Variants in LRRK2 observed in about 807,000 individuals in gnomAD.
LRRK2 encodes the protein leucine-rich repeat serine/threonine-protein kinase 2.
A neutral mutation model predicts 302.6 loss-of-function variants in LRRK2; 203 were observed. The observed-to-expected ratio is 0.67, with a 90% confidence interval of 0.60 to 0.75. The LOEUF is 0.75. Among genes scored for constraint, LRRK2 ranks in the 30% least tolerant of loss-of-function variants. LRRK2 has a pLI of 0.00. For missense variants in LRRK2, 2,830 were observed against 2,951.0 expected, an observed-to-expected ratio of 0.96 and a Z score of 0.95; for synonymous variants, 1,066 against 1,031.9, an observed-to-expected ratio of 1.03 and a Z score of -0.63.
chr12:40,309,562 A>G (rs1302180859), intron 30 of LRRK2, among the ~76,000 whole-genome samples: 2 of 152,124 alleles, frequency 1.3e-5, no homozygotes, highest in African/African-American at 4.8e-5. Flanking sequence ...AATAAGCTAT[A>G]TTAAAGAAAA....
intron 41 of LRRK2, among the ~76,000 whole-genome samples, chr12:40,343,682 C>T (rs1470089784): frequency 6.6e-6 from 1 of 152,090 alleles, no homozygotes; most frequent in Non-Finnish European, 1.5e-5. Flanking sequence ...ATCATATTTT[C>T]TCAAGTATTT....
chr12:40,294,153 ATCTAT>A (rs1944284714), intron 21 of LRRK2, among the ~76,000 whole-genome samples: 5 of 151,288 alleles, frequency 3.3e-5, no homozygotes, highest in Non-Finnish European at 7.4e-5. Context: ...CTATCTATCT[ATCTAT>A]CTATCTATCT....
Position 40,322,339 on chromosome 12 carries a change from G to A in LRRK2, c.5338G>A (p.Val1780Ile), listed in dbSNP as rs1945428056. 6.2e-7 allele frequency: 1 copy of A among 1,613,650 alleles called. No individual in the cohort carries two copies. The highest frequency in any genetic ancestry group is 2.2e-5 in the East Asian group (1 of 44,852). ...TGTAGGCTGTATTCTTTTGGGCCAA[G>A]TTGTGGACCACATTGATTCTCTCAT... Reference protein sequence around the residue: ...CRKGCILLGQVVDHIDSLMEE... With the variant: ...CRKGCILLGQIVDHIDSLMEE... The change falls in exon 37 of 51, where the codon GTT (valine) becomes ATT (isoleucine). Residue 1780 changes from valine (V) to isoleucine (I), a missense_variant. This residue lies in a region of LRRK2 where 2,121 missense variants were observed against 2,148.0 expected (regional missense o/e 0.99). Coordinates refer to ENST00000298910, the MANE Select transcript of LRRK2 (RefSeq NM_198578.4).
rs200229543 is a variant in LRRK2 at position 40,305,969 on chromosome 12, T to C, written c.3959+3T>C. On this transcript the variant is annotated splice_donor_region_variant and intron_variant, in intron 28 of 50. Coordinates refer to ENST00000298910, the MANE Select transcript of LRRK2 (RefSeq NM_198578.4). ...TGTAAAGCCAAAGACATCATAAGGT[T>C]AGATAATTTTTTTCTATTTGGTTTT... The C allele has an allele frequency of 6.2e-7, 1 of 1,600,500 alleles. No individual in the cohort carries two copies. Among genetic ancestry groups the C allele is most frequent in the Non-Finnish European group, 8.5e-7 (1 of 1,170,796 alleles).
chr12:40,239,305 C>T (rs1565671309), intron 5 of LRRK2, among the ~76,000 whole-genome samples: 1 of 152,162 alleles, frequency 6.6e-6, no homozygotes, highest in African/African-American at 2.4e-5. Context: ...AGATAGTTTA[C>T]AGCGAGTACG....
intron 44 of LRRK2, among the ~76,000 whole-genome samples, chr12:40,352,768 C>T (rs372218906): frequency 4.6e-5 from 7 of 151,462 alleles, no homozygotes; most frequent in East Asian, 1.9e-4. Context: ...CAGAGAGCAC[C>T]GGGTTGGGGG....
intron 46 of LRRK2, among the ~76,000 whole-genome samples, chr12:40,357,544 A>T (rs1300258360): frequency 6.6e-6 from 1 of 152,122 alleles, no homozygotes; most frequent in Admixed American, 6.5e-5. Context: ...GGCTATAGCA[A>T]TTTACATACA....
Position 40,315,196 on chromosome 12 carries a change from T to C in LRRK2, c.4739-16T>C. ...CTAGATTCCATGTTTCACTGTTTGA[T>C]GACTTTTTACTACAGGAGTCCTTCT... On this transcript the variant is annotated splice_polypyrimidine_tract_variant and intron_variant, in intron 32 of 50. Transcript: ENST00000298910. 1 of 1,599,868 alleles carries C rather than the reference T, an allele frequency of 6.3e-7. No homozygotes were observed.
At chr12:40,260,624 GT>G (rs898047063) in intron 13 of LRRK2, among the ~76,000 whole-genome samples, 3 of 152,062 alleles carry the variant, frequency 2.0e-5, no homozygotes, top group Non-Finnish European at 4.4e-5. Context: ...TATTAAAATT[GT>G]TTGCAGATTG....
At chr12:40,226,066 A>T (rs1226848505) in intron 2 of LRRK2, among the ~76,000 whole-genome samples, 2 of 152,232 alleles carry the variant, frequency 1.3e-5, no homozygotes, top group Non-Finnish European at 2.9e-5. Context: ...CAACTTTGTC[A>T]CTAGCAAACT....
rs1946631162 is a variant in LRRK2, at chr12:40,359,238, TTTTC to T, written c.6844-18_6844-15del. ...GTGGATACTCAATTTGCTGAGTGTGTTTTCTTTTTTTTTTGGCAAAGCTTAAAGG... is the reference window on the plus strand; with the variant it reads ...GTGGATACTCAATTTGCTGAGTGTGTTTTTTTTTTTGGCAAAGCTTAAAGG... On this transcript the variant is annotated intron_variant, in intron 46 of 50. Coordinates refer to ENST00000298910, the MANE Select transcript of LRRK2 (RefSeq NM_198578.4). The T allele has an allele frequency of 6.6e-7, 1 of 1,512,866 alleles. No homozygotes were observed. The highest frequency in any genetic ancestry group is 1.7e-5 in the African/African-American group (1 of 58,196). The allele number at this position is 1,512,866 out of a possible 1,614,324, so 93.7% of individuals were successfully genotyped here. A position where few individuals can be genotyped will look rare whatever the true frequency, so the allele number is the denominator to read the frequency against.
At chr12:40,250,674 A>T (rs1469851896) in intron 8 of LRRK2, among the ~76,000 whole-genome samples, 1 of 152,008 alleles carries the variant, frequency 6.6e-6, no homozygotes, top group Non-Finnish European at 1.5e-5. Flanking sequence ...CCATCCCCTA[A>T]CAGGCCCCAG....
intron 20 of LRRK2, among the ~76,000 whole-genome samples, chr12:40,292,051 A>C (rs956128115): frequency 1.1e-4 from 16 of 152,112 alleles, no homozygotes; most frequent in Non-Finnish European, 2.1e-4. Context: ...ACCCATATGC[A>C]GATTACTGGA....
At chr12:40,317,174 T>C (rs919654407) in intron 33 of LRRK2, among the ~76,000 whole-genome samples, 3 of 152,186 alleles carry the variant, frequency 2.0e-5, no homozygotes, top group African/African-American at 7.2e-5. Context: ...GTTATAAATA[T>C]GATAATTTAA....
intron 14 of LRRK2, among the ~76,000 whole-genome samples, chr12:40,272,175 C>A (rs543937327): frequency 6.6e-6 from 1 of 152,284 alleles, no homozygotes; most frequent in East Asian, 1.9e-4. Context: ...GCATGAAGCC[C>A]TGTGTGAAAT....
rs556123316 is a variant in LRRK2, at chr12:40,316,168, C to A, written c.4827+868C>A. On this transcript the variant is annotated intron_variant, in intron 33 of 50. Coordinates refer to ENST00000298910, the MANE Select transcript of LRRK2 (RefSeq NM_198578.4). ...GTTTTGCATGTGGCTGCCCGAGTTC[C>A]TAAAATTATTATATATTTTTATGTT... 20 of 249,028 alleles carry A rather than the reference C, an allele frequency of 8.0e-5. No individual in the cohort carries two copies. In the South Asian group the frequency reaches 2.5e-3, roughly 31 times the overall value. 15.4% of individuals were successfully genotyped at this position (249,028 alleles called of 1,614,324 possible). A position where few individuals can be genotyped will look rare whatever the true frequency, so the allele number is the denominator to read the frequency against.
chr12:40,337,313 T>C (rs959802007), intron 40 of LRRK2, among the ~76,000 whole-genome samples: 5 of 152,242 alleles, frequency 3.3e-5, no homozygotes, highest in African/African-American at 1.2e-4. Flanking sequence ...TCCATCTTGC[T>C]TTTAACTGTT....
intron 33 of LRRK2, chr12:40,316,331 C>A (rs1489473875): frequency 2.0e-6 from 2 of 984,994 alleles, no homozygotes; most frequent in Admixed American, 6.2e-5. Context: ...AAATCCTGTA[C>A]CATGGAACTC....
At chr12:40,277,659 T>C (rs1045977686) in intron 16 of LRRK2, among the ~76,000 whole-genome samples, 3 of 152,220 alleles carry the variant, frequency 2.0e-5, no homozygotes, top group Non-Finnish European at 4.4e-5. Flanking sequence ...TGCTACTGAA[T>C]GGTTTGTTAA....
Sources: gnomAD v4.1 joint callset for allele counts (sites outside exome capture counted in the v4.1 genomes callset) on GRCh38, gnomAD v4.1.1 for gene constraint, gnomAD v4.1.1 regional missense constraint, MANE v1.5 for transcripts, NCBI Gene and HGNC (gene_info 2026-07-23, HGNC 2026-07-21) for gene names.